Variants in SLC7A5 observed in about 807,000 individuals in gnomAD.
The protein encoded by SLC7A5 is large neutral amino acids transporter small subunit 1.
SLC7A5 carries 23 observed loss-of-function variants against 50.2 expected under a neutral mutation model. That is an observed-to-expected ratio of 0.46 (90% CI 0.33 to 0.65). The LOEUF is 0.65. Among genes scored for constraint, SLC7A5 ranks in the 30% least tolerant of loss-of-function variants. The pLI, the probability that SLC7A5 is intolerant of heterozygous loss-of-function variation, is 0.02. For missense variants in SLC7A5, 578 were observed against 684.4 expected (o/e 0.84, Z 1.73); for synonymous variants, 393 against 330.6 (o/e 1.19, Z -2.05).
intron 1 of SLC7A5, among the ~76,000 whole-genome samples, chr16:87,868,378 G>T (rs115356731): frequency 0.14 from 20,528 of 152,016 alleles, 1,950 homozygotes; most frequent in African/African-American, 0.27. Context: ...CGCACACGAT[G>T]TTATTACTAC....
intron 1 of SLC7A5, among the ~76,000 whole-genome samples, chr16:87,858,131 C>G (rs1324893227): frequency 6.6e-6 from 1 of 152,210 alleles, no homozygotes; most frequent in African/African-American, 2.4e-5. Flanking sequence ...CCCTCTGAAA[C>G]TCTGAAACCA....
rs776224475 is a variant in SLC7A5 at position 87,847,503 on chromosome 16, A to G, written c.664+4221T>C. Among the ~76,000 whole-genome samples the G allele has an allele frequency of 6.6e-5, 10 of 152,142 alleles. 1 individual carries two copies. Among genetic ancestry groups the G allele is most frequent in the South Asian group, 4.1e-4 (2 of 4,824 alleles). ...CAAGGAAGCTCAGTGAAGCTCAGAG[A>G]CCAGTCTGAAAAGGAATGTCCTCCA... is the stretch of plus-strand genomic sequence containing the variant. On this transcript the variant is annotated intron_variant, in intron 2 of 9. Coordinates refer to ENST00000261622, the MANE Select transcript of SLC7A5 (RefSeq NM_003486.7).
Position 87,860,338 on chromosome 16 carries a change from A to C in SLC7A5, c.539-8489T>G, listed in dbSNP as rs1567501189. Among the ~76,000 whole-genome samples, 1 of 89,972 alleles carries C rather than the reference A, an allele frequency of 1.1e-5. No individual in the cohort carries two copies. The highest frequency in any genetic ancestry group is 2.1e-5 in the Non-Finnish European group (1 of 48,314). The allele number at this position is 89,972 out of a possible 152,430, so 59.0% of individuals were successfully genotyped here. On this transcript the variant is annotated intron_variant, in intron 1 of 9. Coordinates refer to ENST00000261622, the MANE Select transcript of SLC7A5 (RefSeq NM_003486.7). This position sits in a 1 kb window ranked among gnomAD's most constrained non-coding sequence, Gnocchi z 4.8. ...ACAAAAGCATCTCAAAAAAAAAAAA[A>C]AATACACACACACACACACACACAC...
rs567155352 is a variant in SLC7A5, at chr16:87,860,756, A to C, written c.538+8129T>G. On this transcript the variant is annotated intron_variant, in intron 1 of 9. Transcript: ENST00000261622. The surrounding 1 kb of genome is among the most constrained non-coding windows in gnomAD (Gnocchi z 4.8). Reference sequence around the variant, plus strand: ...GGTCAGGATGACTCAGCAGGGATCGAGTTTGCGGGCGTCACGCTCCAAGGC... The same window carrying C: ...GGTCAGGATGACTCAGCAGGGATCGCGTTTGCGGGCGTCACGCTCCAAGGC... Among the ~76,000 whole-genome samples, 1 of 152,230 alleles carries C rather than the reference A, an allele frequency of 6.6e-6. No homozygotes were observed. Among genetic ancestry groups the C allele is most frequent in the South Asian group, 2.1e-4 (1 of 4,824 alleles).
At position 87,833,019 on chromosome 16, in the gene SLC7A5, G is replaced by A. The variant is rs144253961; in HGVS notation, c.1475C>T (p.Thr492Met). The A allele has an allele frequency of 2.0e-5, 33 of 1,613,548 alleles. No individual in the cohort carries two copies. The highest frequency in any genetic ancestry group is 9.3e-5 in the African/African-American group (7 of 74,926). ...PKWLLQGIFS[T>M]TVLCQKLMQV... ...CATGAGCTTCTGACACAGGACGGTC[G>A]TGGAGACTGTCAGGAGAGAAGACAG... The change falls in exon 10 of 10, where the codon ACG becomes ATG. Residue 492 changes from threonine to methionine, a missense_variant. Physicochemically the swap from Thr to Met is moderately conservative, Grantham distance 81. Coordinates refer to ENST00000261622, the MANE Select transcript of SLC7A5 (RefSeq NM_003486.7). This position sits in a 1 kb window ranked among gnomAD's most constrained non-coding sequence, Gnocchi z 6.0.
Position 87,853,376 on chromosome 16 carries a change from A to G in SLC7A5, c.539-1527T>C, listed in dbSNP as rs558191201. On this transcript the variant is annotated intron_variant, in intron 1 of 9. Coordinates refer to ENST00000261622, the MANE Select transcript of SLC7A5 (RefSeq NM_003486.7). This position sits in a 1 kb window ranked among gnomAD's most constrained non-coding sequence, Gnocchi z 4.4. ...GCGGAGACGGCTACTACACACCAGGAAAGTCTGGTTGAAAAATGTCTGAAA... is the reference window on the plus strand; with the variant it reads ...GCGGAGACGGCTACTACACACCAGGGAAGTCTGGTTGAAAAATGTCTGAAA... Among the ~76,000 whole-genome samples, 3 of 152,330 alleles carry G rather than the reference A, an allele frequency of 2.0e-5. No homozygotes were observed. Among genetic ancestry groups the G allele is most frequent in the South Asian group, 2.1e-4 (1 of 4,828 alleles).
rs1217031631 is a variant in SLC7A5, at chr16:87,862,580, T to C, written c.538+6305A>G. ...TCCCTCCCTCTCTTTGTTCCCTTGC[T>C]CCTTCCTTCTTTTGCCAGAGGAGAA... On this transcript the variant is annotated intron_variant, in intron 1 of 9. Transcript: ENST00000261622. This position sits in a 1 kb window ranked among gnomAD's most constrained non-coding sequence, Gnocchi z 5.3. 2.0e-5 allele frequency among the ~76,000 whole-genome samples: 3 copies of C among 152,222 alleles called. No homozygotes were observed. Among genetic ancestry groups the C allele is most frequent in the African/African-American group, 7.2e-5 (3 of 41,462 alleles).
chr16:87,833,308 G>A lies in SLC7A5; in HGVS notation c.1469-283C>T, dbSNP rs534850426. On this transcript the variant is annotated intron_variant, in intron 9 of 9. Transcript: ENST00000261622. This position sits in a 1 kb window ranked among gnomAD's most constrained non-coding sequence, Gnocchi z 6.0. ...GCAGAGTGCGGCCCCTGGGGCACAC[G>A]AACCAGGCCCTGGTGTCTCAGCAAA... Among the ~76,000 whole-genome samples the A allele has an allele frequency of 5.2e-4, 79 of 152,342 alleles. No individual in the cohort carries two copies. Among genetic ancestry groups the A allele is most frequent in the East Asian group, 3.1e-3 (16 of 5,186 alleles).
In SLC7A5 at chr16:87,843,347, C is replaced by CTTTTTT. The variant is rs60307560; in HGVS notation, c.665-2198_665-2193dup. Among the ~76,000 whole-genome samples the CTTTTTT allele has an allele frequency of 5.5e-4, 35 of 63,322 alleles. 2 individuals carry two copies. Among genetic ancestry groups the CTTTTTT allele is most frequent in the Non-Finnish European group, 7.5e-4 (27 of 35,854 alleles). 41.5% of individuals were successfully genotyped at this position (63,322 alleles called of 152,430 possible). A position where few individuals can be genotyped will look rare whatever the true frequency, so the allele number is the denominator to read the frequency against. ...ATTGGCAGCCCTAAGGCCTGAGTAA[C>CTTTTTT]TTTTTTTTTTTTTTTTTTTTTTTTT... On this transcript the variant is annotated intron_variant, in intron 2 of 9. Transcript: ENST00000261622.
At chr16:87,844,912 A>G (rs1486741870) in intron 2 of SLC7A5, among the ~76,000 whole-genome samples, 1 of 152,236 alleles carries the variant, frequency 6.6e-6, no homozygotes, top group African/African-American at 2.4e-5. Flanking sequence ...CGCAGGTGCA[A>G]TTAGCGAAGG....
chr16:87,836,506 G>T lies in SLC7A5; in HGVS notation c.1282C>A (p.Pro428Thr). 6.2e-7 allele frequency: 1 copy of T among 1,611,234 alleles called. No homozygotes were observed. Among genetic ancestry groups the T allele is most frequent in the Non-Finnish European group, 8.5e-7 (1 of 1,179,954 alleles). ...LRHRKPELER[P>T]IKVNLALPVF... ...GGAGGCCCCGGGCTCACCTTGATGG[G>T]CCGCTCAAGCTCAGGCTTTCTGTGG... is the stretch of plus-strand genomic sequence containing the variant. The change falls in exon 8 of 10, where the codon CCC (proline) becomes ACC (threonine). Residue 428 changes from proline (P) to threonine (T), a missense_variant. By Grantham distance (38) the Pro-to-Thr change is conservative. Around this residue, in one of 2 missense-constraint regions of SLC7A5, gnomAD observed 465 missense variants for 594.6 expected, o/e 0.78. Transcript: ENST00000261622.
At chr16:87,846,509 C>A (rs1597502297) in intron 2 of SLC7A5, among the ~76,000 whole-genome samples, 1 of 152,228 alleles carries the variant, frequency 6.6e-6, no homozygotes, top group Admixed American at 6.5e-5. Flanking sequence ...GACATGGGGC[C>A]TCTACAGATT....
Position 87,861,947 on chromosome 16 carries a change from G to C in SLC7A5, c.538+6938C>G, listed in dbSNP as rs535618204. On this transcript the variant is annotated intron_variant, in intron 1 of 9. Coordinates refer to ENST00000261622, the MANE Select transcript of SLC7A5 (RefSeq NM_003486.7). This position sits in a 1 kb window ranked among gnomAD's most constrained non-coding sequence, Gnocchi z 4.2. ...ATTTCAGCACTAATCACTGGCTGCC[G>C]CCTGCAATGAGCCCACGGCTTGAGC... Among the ~76,000 whole-genome samples, 1 of 152,204 alleles carries C rather than the reference G, an allele frequency of 6.6e-6. No homozygotes were observed. Among genetic ancestry groups the C allele is most frequent in the African/African-American group, 2.4e-5 (1 of 41,442 alleles).
intron 1 of SLC7A5, among the ~76,000 whole-genome samples, chr16:87,857,707 C>G (rs2055338621): frequency 1.3e-5 from 2 of 152,364 alleles, no homozygotes; most frequent in South Asian, 4.1e-4. Flanking sequence ...GGCCCTGGCC[C>G]CACCTGTCTG....
intron 1 of SLC7A5, among the ~76,000 whole-genome samples, chr16:87,868,249 C>G (rs1318323143): frequency 1.3e-5 from 2 of 152,176 alleles, no homozygotes; most frequent in South Asian, 2.1e-4. Context: ...CCAGAGAAAC[C>G]TGGGACCCGC....
At chr16:87,855,185 C>G (rs1289029650) in intron 1 of SLC7A5, among the ~76,000 whole-genome samples, 1 of 152,234 alleles carries the variant, frequency 6.6e-6, no homozygotes, top group Non-Finnish European at 1.5e-5. Flanking sequence ...CAAGGCCTCC[C>G]ACTGCTCTCG....
intron 1 of SLC7A5, among the ~76,000 whole-genome samples, chr16:87,864,161 G>A (rs1227851137): frequency 6.6e-6 from 1 of 150,782 alleles, no homozygotes; most frequent in African/African-American, 2.4e-5. Context: ...GCATGGTGGT[G>A]CATGCCTGTA....
intron 8 of SLC7A5, among the ~76,000 whole-genome samples, chr16:87,835,949 AG>A (rs1398873519): frequency 2.6e-5 from 4 of 152,236 alleles, no homozygotes; most frequent in African/African-American, 9.6e-5. Flanking sequence ...GTTCTGTGTC[AG>A]GGCCAGGGCG....
intron 2 of SLC7A5, among the ~76,000 whole-genome samples, chr16:87,849,171 G>A (rs1192587983): frequency 6.6e-6 from 1 of 152,246 alleles, no homozygotes; most frequent in East Asian, 1.9e-4. Context: ...GTATCTGGGG[G>A]CGCTGCTGCC....
Sources: allele counts gnomAD v4.1 joint callset (sites outside exome capture counted in the v4.1 genomes callset), GRCh38; gene constraint gnomAD v4.1.1; regional missense constraint gnomAD v4.1.1; non-coding constraint Gnocchi (gnomAD v3.1); transcripts MANE v1.5; gene names NCBI Gene and HGNC (gene_info 2026-07-23, HGNC 2026-07-21).